Variants in AATK observed in about 807,000 individuals in gnomAD.
The protein encoded by AATK is serine/threonine-protein kinase LMTK1.
A neutral mutation model predicts 114.3 loss-of-function variants in AATK; 91 were observed. The observed-to-expected ratio is 0.80, with a 90% confidence interval of 0.67 to 0.95. The LOEUF is 0.95. AATK is among the 40% of genes least tolerant of loss of function. AATK has a pLI of 0.00. For synonymous variants in AATK, 1,075 were observed against 916.5 expected (o/e 1.17, Z -3.12); for missense variants, 2,176 against 1,965.2 (o/e 1.11, Z -2.03).
intron 3 of AATK, 23 bp from the exon 4 acceptor site, chr17:81,128,572 G>A: frequency 1.3e-6 from 2 of 1,548,490 alleles, no homozygotes; most frequent in Non-Finnish European, 1.7e-6. Flanking sequence ...AGGGGGTTCA[G>A]GGACCCAGTG....
intron 13 of AATK, 104 bp downstream of exon 13, chr17:81,119,276 C>CGGAG: frequency 3.5e-6 from 4 of 1,154,856 alleles, no homozygotes; most frequent in African/African-American, 2.1e-5. Context: ...CGGAGCGGAG[C>CGGAG]CGGGGCTGGC....
At position 81,126,679 on chromosome 17, in the gene AATK, C is replaced by T; in HGVS notation, c.622-119G>A. On this transcript the variant is annotated intron_variant, in intron 6 of 13. Transcript: ENST00000326724. The surrounding 1 kb of genome is among the most constrained non-coding windows in gnomAD (Gnocchi z 5.1). ...CCACAGCTGAGGGACAGCAGCTGCC[C>T]AGAGCAGCCTCGTGCCCTGCACAGT... 1 of 1,452,134 alleles carries T rather than the reference C, an allele frequency of 6.9e-7. No individual in the cohort carries two copies. Among genetic ancestry groups the T allele is most frequent in the Non-Finnish European group, 9.1e-7 (1 of 1,100,046 alleles). 90.0% of individuals were successfully genotyped at this position (1,452,134 alleles called of 1,614,324 possible). A position where few individuals can be genotyped will look rare whatever the true frequency, so the allele number is the denominator to read the frequency against.
At chr17:81,124,594 G>C (rs2060769464) in intron 9 of AATK, 133 bp downstream of exon 9, 1 of 1,449,282 alleles carries the variant, frequency 6.9e-7, no homozygotes, top group African/African-American at 1.4e-5. Flanking sequence ...CAGCCACTTG[G>C]GCTGCTGGCG....
Position 81,119,482 on chromosome 17 carries a change from TGGGCGCAGCCGGGGC to T in AATK, c.3967_3981del (p.Ala1323_Pro1327del). The T allele has an allele frequency of 6.6e-7, 1 of 1,511,038 alleles. No homozygotes were observed. Among genetic ancestry groups the T allele is most frequent in the Non-Finnish European group, 8.8e-7 (1 of 1,132,648 alleles). 93.6% of individuals were successfully genotyped at this position (1,511,038 alleles called of 1,614,324 possible). On this transcript the variant is annotated inframe_deletion, in exon 13 of 14. Coordinates refer to ENST00000326724, the MANE Select transcript of AATK (RefSeq NM_001080395.3). ...CGCGAGAAGGGAGCGGGCGTGGGCG[TGGGCGCAGCCGGGGC>T]GGGTGCGGCCGGGTCTAGGGCCATG...
intron 1 of AATK, among the ~76,000 whole-genome samples, chr17:81,147,692 T>C (rs1320299885): frequency 6.6e-6 from 1 of 152,102 alleles, no homozygotes; most frequent in African/African-American, 2.4e-5. Context: ...GGTGTGGAGG[T>C]TGCAGTGAGC....
intron 1 of AATK, among the ~76,000 whole-genome samples, chr17:81,140,748 G>A (rs113341474): frequency 0.048 from 4,241 of 87,732 alleles, 984 homozygotes; most frequent in South Asian, 0.079. Context: ...CCGGGAGACC[G>A]TGGGGCCGTG....
rs996768881 is a variant in AATK, at chr17:81,129,213, T to G, written c.335-664A>C. ...TGACAGGCCTGGGTCTGAGCCTGGCTGCCAGGAGAGCCCAGGGGGAGGGGG... is the reference window on the plus strand; with the variant it reads ...TGACAGGCCTGGGTCTGAGCCTGGCGGCCAGGAGAGCCCAGGGGGAGGGGG... On this transcript the variant is annotated intron_variant, in intron 3 of 13. Transcript: ENST00000326724. Among the ~76,000 whole-genome samples, 3 of 152,210 alleles carry G rather than the reference T, an allele frequency of 2.0e-5. No homozygotes were observed. The East Asian group carries it at 5.8e-4, about 29-fold the overall frequency.
At position 81,123,503 on chromosome 17, in the gene AATK, C is replaced by T. The variant is rs74829885; in HGVS notation, c.963-160G>A. ...CAGCCGCCCCTCCCTGAGGACAGCG[C>T]GTCCTTTCAGCAGGCAATGTGCACC... On this transcript the variant is annotated intron_variant, in intron 9 of 13. Coordinates refer to ENST00000326724, the MANE Select transcript of AATK (RefSeq NM_001080395.3). Among the ~76,000 whole-genome samples, 166 of 152,312 alleles carry T rather than the reference C, an allele frequency of 1.1e-3. No individual in the cohort carries two copies. In the East Asian group the frequency reaches 0.024, roughly 22 times the overall value.
chr17:81,161,909 A>G (rs1375109192), intron 1 of AATK, among the ~76,000 whole-genome samples: 9 of 152,174 alleles, frequency 5.9e-5, no homozygotes, highest in Admixed American at 5.9e-4. Flanking sequence ...CACCCCAGCC[A>G]GCTCTGGGGC....
chr17:81,160,297 G>C (rs1293817595), intron 1 of AATK: 6 of 983,314 alleles, frequency 6.1e-6, no homozygotes, highest in African/African-American at 3.5e-5. Context: ...AGTGACCCCC[G>C]GGAGGACCCC....
chr17:81,165,767 G>A (rs2061481212), intron 1 of AATK, 171 bp downstream of exon 1: 1 of 1,514,192 alleles, frequency 6.6e-7, no homozygotes, highest in South Asian at 1.2e-5. Flanking sequence ...GGGGCCCAGG[G>A]CCTGCCCCTC....
chr17:81,132,366 G>A (rs1258037365), intron 2 of AATK, among the ~76,000 whole-genome samples: 1 of 152,192 alleles, frequency 6.6e-6, no homozygotes, highest in Non-Finnish European at 1.5e-5. Context: ...GTGACCCTGG[G>A]GACGCCTCCC....
intron 2 of AATK, chr17:81,131,974 C>A: frequency 7.5e-7 from 1 of 1,325,428 alleles, no homozygotes; most frequent in Non-Finnish European, 1.0e-6. Context: ...GCTCCCAGAA[C>A]TCCTTAAGAG....
intron 3 of AATK, among the ~76,000 whole-genome samples, chr17:81,129,293 G>A (rs1013552611): frequency 1.3e-5 from 2 of 152,132 alleles, no homozygotes; most frequent in Non-Finnish European, 2.9e-5. Context: ...GGGCAGAATT[G>A]AGCGTGTGGG....
chr17:81,155,102 G>A (rs768036144), intron 1 of AATK, among the ~76,000 whole-genome samples: 9 of 152,190 alleles, frequency 5.9e-5, no homozygotes, highest in Admixed American at 1.3e-4. Context: ...GCATCACCAC[G>A]GCGCTGCGCT....
intron 12 of AATK, 34 bp downstream of exon 12, chr17:81,119,902 G>A (rs1034978255): frequency 8.6e-6 from 12 of 1,396,854 alleles, no homozygotes; most frequent in South Asian, 1.6e-5. Context: ...CCTGCCTCCC[G>A]TGACGTCACG....
chr17:81,125,083 G>A (rs1055301946), intron 7 of AATK, 69 bp from the exon 8 acceptor site: 3 of 1,037,136 alleles, frequency 2.9e-6, no homozygotes, highest in Non-Finnish European at 2.8e-6. Flanking sequence ...GGGGGCAGGG[G>A]GAGGGTCAGT....
intron 1 of AATK, among the ~76,000 whole-genome samples, chr17:81,134,977 G>T (rs912908597): frequency 1.3e-5 from 2 of 152,180 alleles, no homozygotes; most frequent in Non-Finnish European, 2.9e-5. Flanking sequence ...GGCCCTTCCA[G>T]CCTCTGAGGT....
chr17:81,120,353 G>C lies in AATK; in HGVS notation c.3583C>G (p.Pro1195Ala), dbSNP rs2060684707. The C allele has an allele frequency of 1.9e-6, 3 of 1,609,646 alleles. No individual in the cohort carries two copies. The highest frequency in any genetic ancestry group is 1.3e-5 in the African/African-American group (1 of 74,914). Residue 1195 changes from proline (P) to alanine (A), a missense_variant, in exon 11 of 14, where the codon CCC becomes GCC. Pro to Ala is a conservative substitution (Grantham distance 27). Around this residue, in one of 4 missense-constraint regions of AATK, gnomAD observed 1,701 missense variants for 1,394.7 expected, o/e 1.22. Transcript: ENST00000326724. ...EDSEEEAPAV[P>A]VVVAESQSAR... Reference sequence around the variant, plus strand: ...CTCTGGCTCTCAGCCACCACCACGGGCACCGCCGGCGCCTCCTCTTCGCTG... The same window carrying C: ...CTCTGGCTCTCAGCCACCACCACGGCCACCGCCGGCGCCTCCTCTTCGCTG...
Sources: allele counts gnomAD v4.1 joint callset (sites outside exome capture counted in the v4.1 genomes callset), GRCh38; gene constraint gnomAD v4.1.1; regional missense constraint gnomAD v4.1.1; non-coding constraint Gnocchi (gnomAD v3.1); transcripts MANE v1.5; gene names NCBI Gene and HGNC (gene_info 2026-07-23, HGNC 2026-07-21).